TNS3: variants seen among roughly 807,000 people sequenced by gnomAD.
The protein encoded by TNS3 is tensin-3.
TNS3 carries 45 observed loss-of-function variants against 140.9 expected under a neutral mutation model. That is an observed-to-expected ratio of 0.32 (90% CI 0.25 to 0.41). TNS3 has a LOEUF of 0.41. Among genes scored for constraint, TNS3 ranks in the 10% least tolerant of loss-of-function variants. The pLI, the probability that TNS3 is intolerant of heterozygous loss-of-function variation, is 1.00. For missense variants in TNS3, 1,716 were observed against 1,906.7 expected, an observed-to-expected ratio of 0.90 and a Z score of 1.86; for synonymous variants, 815 against 788.4, an observed-to-expected ratio of 1.03 and a Z score of -0.56.
chr7:47,427,539 C>T (rs1368955509), intron 9 of TNS3, among the ~76,000 whole-genome samples: 2 of 152,230 alleles, frequency 1.3e-5, no homozygotes, highest in Non-Finnish European at 2.9e-5. Context: ...TTCTGCACTG[C>T]ATTTCAGCGA....
rs148563822 is a variant in TNS3, at chr7:47,390,749, C to T, written c.1024+6051G>A. On this transcript the variant is annotated intron_variant, in intron 16 of 30. Transcript: ENST00000311160. ...TCTTGAAGCTTCCCTGCTGCTCAAC[C>T]CTTCCTCTAAATCTGTCATAGAGTC... 4.0e-4 allele frequency among the ~76,000 whole-genome samples: 61 copies of T among 152,298 alleles called. No homozygotes were observed. In the East Asian group the frequency reaches 0.01, roughly 26 times the overall value.
Position 47,428,367 on chromosome 7 carries a change from C to A in TNS3, c.334G>T (p.Gly112Ter). ...GATGATATGACCACTCCTATGCGTC[C>A]TTTCCCGCCCTGCAGGAGACAAAAG... Reference protein sequence around the residue: ...VVVIHCRGGKGRIGVVISSYM... With the variant: ...VVVIHCRGGK Residue 112 changes from glycine (G) to a stop codon, truncating the protein, a stop_gained, in exon 9 of 31, where the codon GGA becomes TGA. Transcript: ENST00000311160. LOFTEE classifies it high-confidence loss of function. The A allele has an allele frequency of 6.9e-7, 1 of 1,440,194 alleles. No homozygotes were observed. The allele number at this position is 1,440,194 out of a possible 1,614,324, so 89.2% of individuals were successfully genotyped here.
intron 2 of TNS3, among the ~76,000 whole-genome samples, chr7:47,524,190 A>C (rs1799094016): frequency 6.6e-6 from 1 of 152,178 alleles, no homozygotes; most frequent in South Asian, 2.1e-4. Flanking sequence ...GTCCTGCCTC[A>C]CTGGCCTGGC....
chr7:47,382,958 T>G (rs1443545420), intron 16 of TNS3, among the ~76,000 whole-genome samples: 1 of 152,126 alleles, frequency 6.6e-6, no homozygotes, highest in African/African-American at 2.4e-5. Flanking sequence ...GTTGGCAGTA[T>G]GTTTAGTGCC....
intron 2 of TNS3, among the ~76,000 whole-genome samples, chr7:47,523,612 G>A (rs990186224): frequency 1.3e-5 from 2 of 152,184 alleles, no homozygotes; most frequent in Non-Finnish European, 2.9e-5. Flanking sequence ...GTCCCTCCTC[G>A]GGGATGGAGC....
intron 4 of TNS3, among the ~76,000 whole-genome samples, chr7:47,464,330 C>T (rs1211659073): frequency 6.6e-6 from 1 of 152,102 alleles, no homozygotes; most frequent in Non-Finnish European, 1.5e-5. Flanking sequence ...TAGTCATCTG[C>T]CCGGGATGGA....
intron 4 of TNS3, among the ~76,000 whole-genome samples, chr7:47,446,688 C>CTTTTTTTTTTT (rs144042398): frequency 0.016 from 1,553 of 96,328 alleles, 206 homozygotes; most frequent in Middle Eastern, 0.023. Flanking sequence ...TCCAGGCTGC[C>CTTTTTTTTTTT]TTTTTTTTTT....
chr7:47,353,009 C>A (rs1417062354), intron 17 of TNS3, among the ~76,000 whole-genome samples: 1 of 152,242 alleles, frequency 6.6e-6, no homozygotes, highest in African/African-American at 2.4e-5. Context: ...TGAGAGGCCA[C>A]AGCTTGGGGA....
chr7:47,374,885 G>T (rs1321900327), intron 16 of TNS3, among the ~76,000 whole-genome samples: 1 of 152,162 alleles, frequency 6.6e-6, no homozygotes, highest in Non-Finnish European at 1.5e-5. Context: ...GGAGCAGGCA[G>T]GGTGAGGAGC....
intron 4 of TNS3, chr7:47,452,981 C>G (rs1309144830): frequency 1.0e-6 from 1 of 985,416 alleles, no homozygotes; most frequent in Non-Finnish European, 1.2e-6. Flanking sequence ...TTTTCCCTTC[C>G]AGAAACAGCT....
At chr7:47,552,667 G>A (rs1165837686) in intron 1 of TNS3, among the ~76,000 whole-genome samples, 2 of 152,124 alleles carry the variant, frequency 1.3e-5, no homozygotes, top group Middle Eastern at 3.2e-3. Context: ...CGTTCTGTGT[G>A]TTCTGATGCT....
chr7:47,412,288 T>C (rs1793817603), intron 12 of TNS3, among the ~76,000 whole-genome samples: 1 of 152,206 alleles, frequency 6.6e-6, no homozygotes, highest in South Asian at 2.1e-4. Flanking sequence ...AACTCAGGAA[T>C]GTGTACAAAT....
At chr7:47,279,093 A>C (rs550190153) in intron 30 of TNS3, 11 of 152,470 alleles carry the variant, frequency 7.2e-5, no homozygotes, top group Non-Finnish European at 1.6e-4. Context: ...CCACCGGGGA[A>C]GCCCAGCTCG....
At position 47,493,814 on chromosome 7, in the gene TNS3, C is replaced by T. The variant is rs148184750; in HGVS notation, c.-114-12673G>A. ...CTGCACTCCAGCCTGGGCAACAGAGCGAGACTCCGTCTCAAAAAAAAAAAA... is the reference window on the plus strand; with the variant it reads ...CTGCACTCCAGCCTGGGCAACAGAGTGAGACTCCGTCTCAAAAAAAAAAAA... On this transcript the variant is annotated intron_variant, in intron 3 of 30. Coordinates refer to ENST00000311160, the MANE Select transcript of TNS3 (RefSeq NM_022748.12). 4.6e-3 allele frequency among the ~76,000 whole-genome samples: 680 copies of T among 148,302 alleles called. 10 individuals carry two copies. Among genetic ancestry groups the T allele is most frequent in the African/African-American group, 0.016 (642 of 40,302 alleles).
intron 1 of TNS3, among the ~76,000 whole-genome samples, chr7:47,574,833 ATGGTGGTTGCCAGGGAC>A (rs1468560984): frequency 6.6e-6 from 1 of 152,150 alleles, no homozygotes; most frequent in Non-Finnish European, 1.5e-5. Context: ...AGAAAGTAGA[ATGGTGGTTGCCAGGGAC>A]TGGGGGGAGG....
chr7:47,316,928 T>G (rs1016187047), intron 20 of TNS3, among the ~76,000 whole-genome samples: 2 of 152,146 alleles, frequency 1.3e-5, no homozygotes, highest in African/African-American at 4.8e-5. Context: ...ACCCCAACAC[T>G]GGAAAAGCAT....
chr7:47,557,213 G>A (rs1186753196), intron 1 of TNS3: 1 of 449,768 alleles, frequency 2.2e-6, no homozygotes, highest in African/African-American at 2.0e-5. Flanking sequence ...AAGTTTACAA[G>A]CGTCCTACGT....
chr7:47,567,949 A>G (rs1562861178), intron 1 of TNS3, among the ~76,000 whole-genome samples: 1 of 152,134 alleles, frequency 6.6e-6, no homozygotes, highest in Non-Finnish European at 1.5e-5. Context: ...GTCGCCCCCT[A>G]AAACAAGAGG....
chr7:47,453,102 G>C, intron 4 of TNS3: 1 of 985,692 alleles, frequency 1.0e-6, no homozygotes, highest in Non-Finnish European at 1.2e-6. Context: ...CACCAGGTGG[G>C]AGAGCCTGGT....
Sources: allele counts gnomAD v4.1 joint callset (sites outside exome capture counted in the v4.1 genomes callset), GRCh38; gene constraint gnomAD v4.1.1; transcripts MANE v1.5; gene names NCBI Gene and HGNC (gene_info 2026-07-23, HGNC 2026-07-21).